The following TBC1D19 variants were observed in gnomAD, a reference collection of about 807,000 sequenced individuals.
TBC1D19 encodes the protein TBC1 domain family, member 19.
Under a neutral mutation model 89.0 loss-of-function variants are expected in TBC1D19, and 60 were observed. The ratio of observed to expected loss-of-function variants is 0.67; its 90% CI spans 0.55 to 0.84. The LOEUF (loss-of-function observed/expected upper bound fraction) is 0.84, where lower values mean the gene tolerates loss of function less well. TBC1D19 is among the 40% of genes least tolerant of loss of function. The pLI, the probability that TBC1D19 is intolerant of heterozygous loss-of-function variation, is 0.00. For missense variants in TBC1D19, 500 were observed against 610.8 expected, an observed-to-expected ratio of 0.82 and a Z score of 1.91; for synonymous variants, 189 against 199.7, an observed-to-expected ratio of 0.95 and a Z score of 0.45.
At chr4:26,715,761 A>G (rs898928152) in intron 13 of TBC1D19, among the ~76,000 whole-genome samples, 6 of 152,072 alleles carry the variant, frequency 3.9e-5, no homozygotes, top group African/African-American at 1.4e-4. Context: ...GAGGTAGTCC[A>G]TGAAAAGAGC....
the TBC1D19 span, among the ~76,000 whole-genome samples, chr4:26,787,580 G>T: frequency 6.6e-6 from 1 of 152,138 alleles, no homozygotes; most frequent in Non-Finnish European, 1.5e-5. Context: ...GTTGCATCTG[G>T]TGTCACTGAG....
intron 19 of TBC1D19, among the ~76,000 whole-genome samples, chr4:26,749,987 C>T (rs1381996174): frequency 6.6e-6 from 1 of 152,102 alleles, no homozygotes; most frequent in Non-Finnish European, 1.5e-5. Flanking sequence ...AGAAGGAATC[C>T]TCAAGGGTGT....
At chr4:26,815,423 C>T in the TBC1D19 span, among the ~76,000 whole-genome samples, 2 of 152,256 alleles carry the variant, frequency 1.3e-5, no homozygotes, top group Admixed American at 6.5e-5. Flanking sequence ...TACCACAAAA[C>T]ACAGCTTTCT....
intron 7 of TBC1D19, among the ~76,000 whole-genome samples, chr4:26,648,746 T>G (rs1342904304): frequency 6.6e-6 from 1 of 152,164 alleles, no homozygotes. Context: ...GATGATGGCT[T>G]TATTTCTCTT....
At position 26,634,214 on chromosome 4, in the gene TBC1D19, A is replaced by G. The variant is rs149179457; in HGVS notation, c.295-2997A>G. On this transcript the variant is annotated intron_variant, in intron 4 of 20. Coordinates refer to ENST00000264866, the MANE Select transcript of TBC1D19 (RefSeq NM_018317.4). ...AAGTGATGGACAACTGCAGCTGCAG[A>G]CCTCAATCTTCCGTACATATCAAGC... Among the ~76,000 whole-genome samples, 42 of 152,148 alleles carry G rather than the reference A, an allele frequency of 2.8e-4. No individual in the cohort carries two copies. The East Asian group carries it at 7.5e-3, about 27-fold the overall frequency.
chr4:26,710,638 A>C (rs1243335495), intron 13 of TBC1D19, among the ~76,000 whole-genome samples: 2 of 152,346 alleles, frequency 1.3e-5, no homozygotes, highest in South Asian at 2.1e-4. Flanking sequence ...ACTAGTTTAC[A>C]GTCCCACCAA....
rs574977690 is a variant in TBC1D19, at chr4:26,603,803, T to C, written c.100-9366T>C. 8.5e-5 allele frequency among the ~76,000 whole-genome samples: 13 copies of C among 152,360 alleles called. No individual in the cohort carries two copies. The East Asian group carries it at 2.3e-3, about 27-fold the overall frequency. ...AAATAAAGTGAACAAATTTTTGTGG[T>C]AAAATATACATAACATAAAAATGAC... On this transcript the variant is annotated intron_variant, in intron 1 of 20. Coordinates refer to ENST00000264866, the MANE Select transcript of TBC1D19 (RefSeq NM_018317.4).
chr4:26,814,851 G>C, the TBC1D19 span, among the ~76,000 whole-genome samples: 53 of 152,082 alleles, frequency 3.5e-4, no homozygotes, highest in Non-Finnish European at 6.2e-4. Context: ...CAAGAGCCTC[G>C]TCTCTACAAA....
At chr4:26,767,365 C>A in the TBC1D19 span, among the ~76,000 whole-genome samples, 2 of 152,134 alleles carry the variant, frequency 1.3e-5, no homozygotes, top group African/African-American at 4.8e-5. Flanking sequence ...GATAGTCTTC[C>A]TCAAAACACC....
intron 11 of TBC1D19, 99 bp downstream of exon 11, chr4:26,673,987 A>G: frequency 1.6e-6 from 1 of 610,350 alleles, no homozygotes; most frequent in Non-Finnish European, 2.8e-6. Flanking sequence ...TTCTTAATCT[A>G]TTATTAACCC....
Position 26,584,137 on chromosome 4 carries a change from C to T in TBC1D19, c.-57C>T, listed in dbSNP as rs1739257382. The stretch of plus-strand genomic sequence containing the variant: ...CTGGCCCTGAGTGGGACCCGGTAGC[C>T]CGTTCGCTCCGCGCCGGCGGCCTGT... On this transcript the variant is annotated 5_prime_UTR_variant, in exon 1 of 21. Transcript: ENST00000264866. The T allele has an allele frequency of 6.4e-7, 1 of 1,556,540 alleles. No individual in the cohort carries two copies. The highest frequency in any genetic ancestry group is 1.9e-5 in the Admixed American group (1 of 52,940).
chr4:26,654,433 T>G (rs1235963792), intron 7 of TBC1D19, among the ~76,000 whole-genome samples: 1 of 152,198 alleles, frequency 6.6e-6, no homozygotes, highest in African/African-American at 2.4e-5. Context: ...CTTGCTAGAT[T>G]GAGGAAGTTC....
chr4:26,657,786 T>C (rs1382881012), intron 7 of TBC1D19, among the ~76,000 whole-genome samples: 1 of 152,226 alleles, frequency 6.6e-6, no homozygotes, highest in Non-Finnish European at 1.5e-5. Context: ...TTCTAACTGG[T>C]GTGAGATGGT....
chr4:26,622,497 G>C (rs966740845), intron 4 of TBC1D19, among the ~76,000 whole-genome samples: 2 of 152,046 alleles, frequency 1.3e-5, no homozygotes, highest in African/African-American at 4.8e-5. Context: ...ATAGGTACAC[G>C]TATGATACTC....
chr4:26,612,687 A>G (rs1036497897), intron 1 of TBC1D19, among the ~76,000 whole-genome samples: 2 of 152,108 alleles, frequency 1.3e-5, no homozygotes, highest in Admixed American at 6.6e-5. Flanking sequence ...TTTATGAACT[A>G]GTAGTTTTAT....
intron 16 of TBC1D19, among the ~76,000 whole-genome samples, chr4:26,736,904 A>G (rs1662835283): frequency 6.6e-6 from 1 of 152,330 alleles, no homozygotes; most frequent in African/African-American, 2.4e-5. Context: ...GCTTATGAAG[A>G]TTAGCAAAAG....
chr4:26,848,586 G>A, the TBC1D19 span, among the ~76,000 whole-genome samples: 5 of 152,160 alleles, frequency 3.3e-5, no homozygotes, highest in African/African-American at 4.8e-5. Flanking sequence ...ATAGGTTTAA[G>A]TTTCTACATG....
chr4:26,838,049 G>C, the TBC1D19 span, among the ~76,000 whole-genome samples: 7 of 152,116 alleles, frequency 4.6e-5, no homozygotes, highest in Non-Finnish European at 8.8e-5. Flanking sequence ...TATATTTCTT[G>C]TGGCTAAAGA....
At chr4:26,691,680 A>T (rs564026808) in intron 13 of TBC1D19, among the ~76,000 whole-genome samples, 1 of 152,336 alleles carries the variant, frequency 6.6e-6, no homozygotes, top group South Asian at 2.1e-4. Context: ...TAGTATAAAC[A>T]TAGCTTTTAT....
Sources: gnomAD v4.1 joint callset for allele counts (sites outside exome capture counted in the v4.1 genomes callset) on GRCh38, gnomAD v4.1.1 for gene constraint, MANE v1.5 for transcripts, NCBI Gene and HGNC (gene_info 2026-07-23, HGNC 2026-07-21) for gene names.